LEPROTL1: variants seen among roughly 807,000 people sequenced by gnomAD.
The protein encoded by LEPROTL1 is leptin receptor overlapping transcript-like 1.
Under a neutral mutation model 15.4 loss-of-function variants are expected in LEPROTL1, and 6 were observed. That is an observed-to-expected ratio of 0.39 (90% confidence interval 0.21 to 0.77). The LOEUF (loss-of-function observed/expected upper bound fraction) is 0.77, where lower values mean the gene tolerates loss of function less well. LEPROTL1 is among the 30% of genes least tolerant of loss of function. LEPROTL1 has a pLI of 0.41. For synonymous variants in LEPROTL1, 56 were observed against 52.6 expected (o/e 1.06, Z -0.28); for missense variants, 128 against 158.1 (o/e 0.81, Z 1.02).
At chr8:30,096,367 T>G in intron 1 of LEPROTL1, 2 of 985,342 alleles carry the variant, frequency 2.0e-6, no homozygotes, top group Non-Finnish European at 1.2e-6. Flanking sequence ...GCTTAACTAA[T>G]TACATTGATT....
At chr8:30,103,449 T>C (rs1006091487) in intron 2 of LEPROTL1, among the ~76,000 whole-genome samples, 3 of 152,138 alleles carry the variant, frequency 2.0e-5, no homozygotes, top group African/African-American at 2.4e-5. Context: ...TCTTAAAATA[T>C]TTAGGAAATG....
chr8:30,116,275 GCA>G (rs1305753398), intron 3 of LEPROTL1, among the ~76,000 whole-genome samples: 1 of 151,966 alleles, frequency 6.6e-6, no homozygotes, highest in Non-Finnish European at 1.5e-5. Context: ...TCATTTCCTG[GCA>G]CACAGCTCAT....
intron 3 of LEPROTL1, among the ~76,000 whole-genome samples, chr8:30,119,652 C>T (rs1268758945): frequency 2.6e-5 from 4 of 152,184 alleles, no homozygotes; most frequent in Admixed American, 2.6e-4. Context: ...TAGTCACATT[C>T]TGAGGTACTG....
At chr8:30,120,737 A>G (rs1347568751) in intron 3 of LEPROTL1, among the ~76,000 whole-genome samples, 1 of 152,012 alleles carries the variant, frequency 6.6e-6, no homozygotes, top group Non-Finnish European at 1.5e-5. Context: ...TTGCCATGTT[A>G]CCCAGGCTGG....
chr8:30,106,380 G>T lies in LEPROTL1; in HGVS notation c.*518G>T. ...ATACAGACGGTTGGCATACGTTATA[G>T]ACTGTATACTCAGTGCAAATATAGC... On this transcript the variant is annotated 3_prime_UTR_variant, in exon 4 of 4. Transcript: ENST00000321250. 1 of 986,048 alleles carries T rather than the reference G, an allele frequency of 1.0e-6. No homozygotes were observed. Among genetic ancestry groups the T allele is most frequent in the Non-Finnish European group, 1.2e-6 (1 of 830,076 alleles). The allele number at this position is 986,048 out of a possible 1,614,324, so 61.1% of individuals were successfully genotyped here.
downstream of LEPROTL1, among the ~76,000 whole-genome samples, chr8:30,109,023 T>TC (rs1802615834): frequency 2.5e-5 from 2 of 78,894 alleles, no homozygotes; most frequent in African/African-American, 4.8e-5. Flanking sequence ...ACAACCCCCC[T>TC]CAAACCACCC....
At chr8:30,135,912 T>TG (rs1488080329) in intron 4 of LEPROTL1, among the ~76,000 whole-genome samples, 17 of 29,612 alleles carry the variant, frequency 5.7e-4, no homozygotes, top group African/African-American at 1.6e-3. Flanking sequence ...AGACCTTGTC[T>TG]GAAAAAAAAA....
At chr8:30,096,207 T>A (rs1359174787) in intron 1 of LEPROTL1, 1 of 918,318 alleles carries the variant, frequency 1.1e-6, no homozygotes, top group Non-Finnish European at 1.3e-6. Flanking sequence ...TTTCCTTTTT[T>A]TTTTTTAAGA....
chr8:30,102,173 G>A (rs554473661), intron 2 of LEPROTL1, among the ~76,000 whole-genome samples, 200 bp downstream of exon 2: 2 of 152,192 alleles, frequency 1.3e-5, no homozygotes, highest in East Asian at 3.9e-4. Context: ...ATTTTTGGCT[G>A]TTACCTGCTC....
At chr8:30,104,529 T>C in intron 3 of LEPROTL1, 43 bp downstream of exon 3, 3 of 1,352,660 alleles carry the variant, frequency 2.2e-6, no homozygotes, top group Non-Finnish European at 3.0e-6. Context: ...ATATTGAACA[T>C]GTGTTACATT....
chr8:30,098,764 A>G (rs1802414218), intron 1 of LEPROTL1, among the ~76,000 whole-genome samples: 1 of 152,182 alleles, frequency 6.6e-6, no homozygotes, highest in Non-Finnish European at 1.5e-5. Context: ...CATTCATTCC[A>G]CAAATATTTG....
At chr8:30,130,096 C>G (rs989851070) in intron 3 of LEPROTL1, among the ~76,000 whole-genome samples, 1 of 152,102 alleles carries the variant, frequency 6.6e-6, no homozygotes, top group African/African-American at 2.4e-5. Context: ...CAAACCATAT[C>G]AAAAAGCTTA....
downstream of LEPROTL1, among the ~76,000 whole-genome samples, chr8:30,109,021 C>T (rs1802615699): frequency 7.1e-6 from 1 of 140,538 alleles, no homozygotes; most frequent in Non-Finnish European, 1.6e-5. Context: ...CCACAACCCC[C>T]CTCAAACCAC....
chr8:30,123,963 C>G (rs1312918456), intron 3 of LEPROTL1, among the ~76,000 whole-genome samples: 1 of 149,556 alleles, frequency 6.7e-6, no homozygotes, highest in Non-Finnish European at 1.5e-5. Flanking sequence ...ATTTCAAAGG[C>G]TCAAAGGGAG....
intron 3 of LEPROTL1, among the ~76,000 whole-genome samples, chr8:30,128,588 A>G (rs1802941162): frequency 6.6e-6 from 1 of 151,876 alleles, no homozygotes; most frequent in South Asian, 2.1e-4. Context: ...CTGTCTGTAC[A>G]AAAAATAAAA....
At chr8:30,125,353 A>ATAAG (rs928025114) in intron 3 of LEPROTL1, among the ~76,000 whole-genome samples, 6 of 152,228 alleles carry the variant, frequency 3.9e-5, no homozygotes, top group Admixed American at 6.5e-5. Flanking sequence ...GTGTTTTCTT[A>ATAAG]GTAGGAGAGA....
In LEPROTL1 at chr8:30,105,991, C is replaced by A; in HGVS notation, c.*129C>A. On this transcript the variant is annotated 3_prime_UTR_variant, in exon 4 of 4. Transcript: ENST00000321250. The stretch of plus-strand genomic sequence containing the variant: ...TTGGGGGTATTTTAGGTGCTCCCTT[C>A]TCACTTTTATTGTAAGCATACTATT... 1 of 1,283,160 alleles carries A rather than the reference C, an allele frequency of 7.8e-7. No homozygotes were observed. Among genetic ancestry groups the A allele is most frequent in the South Asian group, 2.4e-5 (1 of 42,288 alleles). The allele number at this position is 1,283,160 out of a possible 1,614,324, so 79.5% of individuals were successfully genotyped here. A position where few individuals can be genotyped will look rare whatever the true frequency, so the allele number is the denominator to read the frequency against.
intron 1 of LEPROTL1, among the ~76,000 whole-genome samples, chr8:30,097,671 C>CA (rs72163652): frequency 0.029 from 841 of 29,322 alleles, 35 homozygotes; most frequent in African/African-American, 0.039. Context: ...GACTCTGTCT[C>CA]AAAAAAAAAA....
intron 3 of LEPROTL1, among the ~76,000 whole-genome samples, chr8:30,114,631 C>G (rs1472368360): frequency 6.6e-6 from 1 of 152,068 alleles, no homozygotes; most frequent in Non-Finnish European, 1.5e-5. Flanking sequence ...CCTGCATGGC[C>G]CATTGTGGAC....
Sources: gnomAD v4.1 joint callset for allele counts (sites outside exome capture counted in the v4.1 genomes callset) on GRCh38, gnomAD v4.1.1 for gene constraint, MANE v1.5 for transcripts, NCBI Gene and HGNC (gene_info 2026-07-23, HGNC 2026-07-21) for gene names.